DUSP11: variants seen among roughly 807,000 people sequenced by gnomAD.
DUSP11 encodes the protein dual specificity phosphatase 11, also known as RNA/RNP complex-1-interacting phosphatase.
DUSP11 carries 27 observed loss-of-function variants against 41.4 expected under a neutral mutation model. That is an observed-to-expected ratio of 0.65 (90% confidence interval 0.48 to 0.90). DUSP11 has a LOEUF of 0.90. DUSP11 is among the 40% of genes least tolerant of loss of function. The pLI is 0.00. For missense variants in DUSP11, 465 were observed against 461.1 expected, an observed-to-expected ratio of 1.01 and a Z score of -0.08; for synonymous variants, 188 against 159.3, an observed-to-expected ratio of 1.18 and a Z score of -1.35.
At position 73,766,307 on chromosome 2, in the gene DUSP11, T is replaced by A. The variant is rs1672459127; in HGVS notation, c.935+111A>T. 3.1e-5 allele frequency: 30 copies of A among 952,596 alleles called. No homozygotes were observed. The South Asian group carries it at 5.4e-4, about 17-fold the overall frequency. 59.0% of individuals were successfully genotyped at this position (952,596 alleles called of 1,614,324 possible). A position where few individuals can be genotyped will look rare whatever the true frequency, so the allele number is the denominator to read the frequency against. On this transcript the variant is annotated intron_variant, in intron 8 of 8. Coordinates refer to ENST00000272444, the Ensembl canonical transcript of DUSP11. ...CTGGATGACAGAGCGAGACTCTGTC[T>A]CCAAAAAAAAAAAAAACGAAGAATT...
At chr2:73,773,559 AAAAG>A (rs1163207640) in intron 4 of DUSP11, 10 of 422,920 alleles carry the variant, frequency 2.4e-5, no homozygotes, top group East Asian at 1.0e-4. Flanking sequence ...TTCAAATTAA[AAAAG>A]AAAGATGAGC....
chr2:73,775,023 G>C (rs1319998330), exon 3 of DUSP11: 1 of 1,610,090 alleles, frequency 6.2e-7, no homozygotes, highest in Non-Finnish European at 8.5e-7. Flanking sequence ...CATTCTTCTG[G>C]AGCAAGTTTC....
At chr2:73,768,603 T>C in intron 5 of DUSP11, 3 of 985,370 alleles carry the variant, frequency 3.0e-6, no homozygotes, top group Non-Finnish European at 3.6e-6. Flanking sequence ...TTTTATAATA[T>C]CAAAAACTTC....
At chr2:73,773,821 A>G (rs773719450) in exon 4 of DUSP11, 6 of 1,607,856 alleles carry the variant, frequency 3.7e-6, no homozygotes, top group Middle Eastern at 1.7e-4. Flanking sequence ...TTTTCTTTCA[A>G]AAACCCATTA....
chr2:73,775,034 T>A (rs1672652115), exon 3 of DUSP11: 2 of 1,609,890 alleles, frequency 1.2e-6, no homozygotes, highest in Admixed American at 1.7e-5. Context: ...AGCAAGTTTC[T>A]TTTCAAAACT....
At chr2:73,775,262 C>G (rs1386680411) in intron 2 of DUSP11, among the ~76,000 whole-genome samples, 1 of 152,014 alleles carries the variant, frequency 6.6e-6, no homozygotes, top group Non-Finnish European at 1.5e-5. Context: ...GTATTTGTTT[C>G]ATGTTGGTCT....
At chr2:73,773,896 T>C in exon 4 of DUSP11, 1 of 1,604,412 alleles carries the variant, frequency 6.2e-7, no homozygotes, top group Non-Finnish European at 8.5e-7. Context: ...GTAAAAATTT[T>C]TAAGTAAGGA....
chr2:73,777,639 TG>T (rs1672710952), intron 2 of DUSP11, among the ~76,000 whole-genome samples: 1 of 152,198 alleles, frequency 6.6e-6, no homozygotes, highest in Admixed American at 6.5e-5. Context: ...GGAGTCCCAC[TG>T]GCATTCAGTG....
intron 4 of DUSP11, among the ~76,000 whole-genome samples, chr2:73,770,360 C>T (rs907720919): frequency 6.6e-6 from 1 of 151,492 alleles, no homozygotes; most frequent in Non-Finnish European, 1.5e-5. Flanking sequence ...ACTAAAAATA[C>T]AAAAACTAGC....
chr2:73,779,976 T>A lies in DUSP11; in HGVS notation c.140A>T (p.His47Leu), dbSNP rs751721020. The change falls in exon 1 of 9, where the codon CAC becomes CTC. Residue 47 changes from histidine (H) to leucine (L), a missense_variant. Transcript: ENST00000272444. ...GCGGGGATGATGCCACTGGCTCATG[T>A]GGGTCCCAAGAAGCCGCCCACCCAA... 18 of 1,614,080 alleles carry A rather than the reference T, an allele frequency of 1.1e-5. No homozygotes were observed. Among genetic ancestry groups the A allele is most frequent in the Non-Finnish European group, 1.4e-5 (17 of 1,180,038 alleles).
chr2:73,764,274 A>G (rs1216455004), intron 8 of DUSP11, among the ~76,000 whole-genome samples: 4 of 152,174 alleles, frequency 2.6e-5, no homozygotes, highest in African/African-American at 9.7e-5. Flanking sequence ...TCTTTTAAAA[A>G]TGTCAATTTT....
chr2:73,774,190 A>T (rs1672636637), intron 3 of DUSP11, among the ~76,000 whole-genome samples: 1 of 152,236 alleles, frequency 6.6e-6, no homozygotes, highest in Admixed American at 6.5e-5. Context: ...TGCATATTTA[A>T]CTATAAATTA....
At chr2:73,770,741 A>G (rs1450363390) in intron 4 of DUSP11, among the ~76,000 whole-genome samples, 2 of 152,268 alleles carry the variant, frequency 1.3e-5, no homozygotes, top group East Asian at 1.9e-4. Flanking sequence ...ACTGGTATCA[A>G]TCTGTCTTTC....
intron 7 of DUSP11, 107 bp from the exon 8 acceptor site, chr2:73,766,701 T>C: frequency 2.2e-6 from 3 of 1,389,240 alleles, no homozygotes; most frequent in Non-Finnish European, 2.0e-6. Context: ...CTTCTCCCAT[T>C]CCTATTTGTT....
At chr2:73,764,131 T>C (rs191856546) in intron 8 of DUSP11, among the ~76,000 whole-genome samples, 1 of 152,352 alleles carries the variant, frequency 6.6e-6, no homozygotes, top group Admixed American at 6.5e-5. Flanking sequence ...TTCTGTACTT[T>C]GAAGTATTTC....
At position 73,766,603 on chromosome 2, in the gene DUSP11, G is replaced by A. The variant is rs201091075; in HGVS notation, c.759-9C>T. 1.9e-6 allele frequency: 3 copies of A among 1,599,150 alleles called. No homozygotes were observed. The highest frequency in any genetic ancestry group is 2.3e-5 in the South Asian group (2 of 87,810). On this transcript the variant is annotated splice_polypyrimidine_tract_variant and intron_variant, in intron 7 of 8. Coordinates refer to ENST00000272444, the Ensembl canonical transcript of DUSP11. ...CACTGGAATTCCAATTCCTTAAAGA[G>A]AATATTTTCCACACAATATTACTGG...
intron 5 of DUSP11, chr2:73,767,425 T>C (rs1672486495): frequency 2.4e-6 from 1 of 422,480 alleles, no homozygotes; most frequent in Non-Finnish European, 4.1e-6. Flanking sequence ...AATCTATTTA[T>C]ATATTTATTT....
At position 73,766,909 on chromosome 2, in the gene DUSP11, G is replaced by C. The variant is rs1430889667; in HGVS notation, c.683-6C>G. 13 of 1,608,984 alleles carry C rather than the reference G, an allele frequency of 8.1e-6. No individual in the cohort carries two copies. Among genetic ancestry groups the C allele is most frequent in the Non-Finnish European group, 1.1e-5 (13 of 1,176,540 alleles). On this transcript the variant is annotated splice_polypyrimidine_tract_variant and splice_region_variant and intron_variant, in intron 6 of 8. Transcript: ENST00000272444. Reference sequence around the variant, plus strand: ...TCCCCGGCACCTATTGAATACTGAGGAGAGGATAAACTGTTAGAAATAACT... The same window carrying C: ...TCCCCGGCACCTATTGAATACTGAGCAGAGGATAAACTGTTAGAAATAACT...
chr2:73,773,405 G>A (rs1672621965), intron 4 of DUSP11: 2 of 302,294 alleles, frequency 6.6e-6, no homozygotes, highest in South Asian at 2.8e-5. Context: ...TGCTTCTAGG[G>A]GTCCGTCCCA....
Sources: gnomAD v4.1 joint callset for allele counts (sites outside exome capture counted in the v4.1 genomes callset) on GRCh38, gnomAD v4.1.1 for gene constraint, MANE v1.5 for transcripts, NCBI Gene and HGNC (gene_info 2026-07-23, HGNC 2026-07-21) for gene names.